The following RASGRF2 variants were observed in gnomAD, a reference collection of about 807,000 sequenced individuals.
RASGRF2 encodes ras-specific guanine nucleotide-releasing factor 2.
In RASGRF2, 76 loss-of-function variants were observed where a neutral mutation model predicts 151.0. The observed-to-expected ratio is 0.50, with a 90% confidence interval of 0.42 to 0.61. The LOEUF is 0.61. RASGRF2 is among the 20% of genes least tolerant of loss of function. The pLI, the probability that RASGRF2 is intolerant of heterozygous loss-of-function variation, is 0.00. For synonymous variants in RASGRF2, 504 were observed against 566.5 expected (o/e 0.89, Z 1.57); for missense variants, 1,148 against 1,564.6 (o/e 0.73, Z 4.49).
chr5:81,204,471 T>C (rs1430298126), intron 19 of RASGRF2: 4 of 152,198 alleles, frequency 2.6e-5, no homozygotes, highest in Admixed American at 2.6e-4. Context: ...AAATGCTCTT[T>C]TGAATGAAGC....
intron 2 of RASGRF2, among the ~76,000 whole-genome samples, chr5:81,067,419 C>A (rs1751639460): frequency 6.6e-6 from 1 of 152,178 alleles, no homozygotes; most frequent in African/African-American, 2.4e-5. Flanking sequence ...GGCTAGGCTG[C>A]AGGAGTTAGA....
At chr5:80,983,540 A>C (rs1454436063) in intron 1 of RASGRF2, among the ~76,000 whole-genome samples, 5 of 152,242 alleles carry the variant, frequency 3.3e-5, no homozygotes, top group African/African-American at 1.2e-4. Flanking sequence ...GTGCTATTTA[A>C]GTACCTACAG....
intron 18 of RASGRF2, among the ~76,000 whole-genome samples, chr5:81,200,348 A>G (rs946011280): frequency 4.6e-5 from 7 of 151,188 alleles, no homozygotes; most frequent in Non-Finnish European, 8.9e-5. Flanking sequence ...GTGAGCATCA[A>G]TATCGATAGG....
intron 18 of RASGRF2, among the ~76,000 whole-genome samples, chr5:81,198,660 C>T (rs913321030): frequency 3.9e-5 from 6 of 152,140 alleles, no homozygotes; most frequent in Non-Finnish European, 5.9e-5. Flanking sequence ...AGGATGGTCT[C>T]GATCTCCTGA....
intron 2 of RASGRF2, among the ~76,000 whole-genome samples, chr5:81,052,516 A>T (rs942995922): frequency 5.3e-5 from 8 of 152,154 alleles, no homozygotes; most frequent in African/African-American, 1.9e-4. Context: ...CTTAACTAAG[A>T]TGCTTGTGTT....
chr5:80,974,433 T>C (rs1269490838), intron 1 of RASGRF2, among the ~76,000 whole-genome samples: 2 of 152,234 alleles, frequency 1.3e-5, no homozygotes, highest in African/African-American at 2.4e-5. Context: ...TGAACACCAC[T>C]GGGTTTCAGC....
intron 1 of RASGRF2, among the ~76,000 whole-genome samples, chr5:81,008,883 C>G (rs1561551745): frequency 6.6e-6 from 1 of 151,018 alleles, no homozygotes; most frequent in African/African-American, 2.5e-5. Flanking sequence ...TATACAGGCT[C>G]CAGCCCATCT....
intron 1 of RASGRF2, among the ~76,000 whole-genome samples, chr5:81,019,052 C>T (rs1427208833): frequency 5.0e-5 from 7 of 141,370 alleles, no homozygotes; most frequent in Admixed American, 1.5e-4. Flanking sequence ...CCCCCAACCT[C>T]GGCCTCCCAA....
intron 9 of RASGRF2, among the ~76,000 whole-genome samples, chr5:81,090,279 C>T (rs1348606452): frequency 6.6e-6 from 1 of 152,134 alleles, no homozygotes; most frequent in Admixed American, 6.5e-5. Flanking sequence ...TCTTGAATGC[C>T]ATTCTGTGGG....
chr5:81,163,972 C>A (rs1319384453), intron 17 of RASGRF2, among the ~76,000 whole-genome samples: 1 of 152,106 alleles, frequency 6.6e-6, no homozygotes, highest in African/African-American at 2.4e-5. Flanking sequence ...CAGTTCCCGG[C>A]ATATAATAAA....
chr5:81,096,683 A>AGAGAGAAAGACCCTTG (rs1168685925), intron 12 of RASGRF2, among the ~76,000 whole-genome samples: 1 of 152,168 alleles, frequency 6.6e-6, no homozygotes, highest in Non-Finnish European at 1.5e-5. Flanking sequence ...GACATTGTTA[A>AGAGAGAAAGACCCTTG]GAGAGAAAGA....
intron 1 of RASGRF2, among the ~76,000 whole-genome samples, chr5:80,966,264 A>C (rs997689211): frequency 6.6e-6 from 1 of 152,102 alleles, no homozygotes; most frequent in African/African-American, 2.4e-5. Context: ...ATCTATCTAT[A>C]ATTTGGGGAG....
At chr5:81,152,272 G>A (rs1311049918) in intron 17 of RASGRF2, among the ~76,000 whole-genome samples, 1 of 152,164 alleles carries the variant, frequency 6.6e-6, no homozygotes, top group African/African-American at 2.4e-5. Context: ...AAAGTGCTGA[G>A]ATTACAGGCA....
intron 17 of RASGRF2, among the ~76,000 whole-genome samples, chr5:81,166,508 C>G (rs972551040): frequency 6.6e-6 from 1 of 152,118 alleles, no homozygotes; most frequent in East Asian, 1.9e-4. Context: ...CTTCTCCTGA[C>G]AAAAGCCCTT....
At chr5:81,139,097 A>T (rs927522434) in intron 17 of RASGRF2, among the ~76,000 whole-genome samples, 1 of 152,212 alleles carries the variant, frequency 6.6e-6, no homozygotes, top group Non-Finnish European at 1.5e-5. Flanking sequence ...ATTTTTTAGC[A>T]TACAAATCTT....
At chr5:81,048,609 C>T (rs1049204504) in intron 2 of RASGRF2, among the ~76,000 whole-genome samples, 4 of 152,214 alleles carry the variant, frequency 2.6e-5, no homozygotes, top group Non-Finnish European at 5.9e-5. Context: ...GTCAGACCTT[C>T]TGCCTACACT....
intron 12 of RASGRF2, among the ~76,000 whole-genome samples, chr5:81,102,429 T>C (rs1295632963): frequency 1.3e-5 from 2 of 152,214 alleles, no homozygotes; most frequent in Non-Finnish European, 2.9e-5. Flanking sequence ...ACACGGTGGC[T>C]CATGCCTGTA....
At chr5:81,072,168 T>C (rs1245055994) in intron 4 of RASGRF2, among the ~76,000 whole-genome samples, 2 of 152,234 alleles carry the variant, frequency 1.3e-5, no homozygotes, top group African/African-American at 4.8e-5. Context: ...TAATTTTTGT[T>C]TACCTTGATA....
intron 4 of RASGRF2, among the ~76,000 whole-genome samples, chr5:81,071,186 A>T (rs1180652908): frequency 6.6e-6 from 1 of 152,218 alleles, no homozygotes; most frequent in Non-Finnish European, 1.5e-5. Context: ...TCTTATATAA[A>T]GCACTACTCA....
Sources: gnomAD v4.1 joint callset for allele counts (sites outside exome capture counted in the v4.1 genomes callset) on GRCh38, gnomAD v4.1.1 for gene constraint, MANE v1.5 for transcripts, NCBI Gene and HGNC (gene_info 2026-07-23, HGNC 2026-07-21) for gene names.